The following FRK variants were observed in gnomAD, a reference collection of about 807,000 sequenced individuals.
FRK encodes the protein tyrosine-protein kinase FRK.
FRK carries 51 observed loss-of-function variants against 56.4 expected under a neutral mutation model. The observed-to-expected ratio is 0.90, with a 90% CI of 0.72 to 1.14. The LOEUF (loss-of-function observed/expected upper bound fraction) is 1.14, where lower values mean the gene tolerates loss of function less well. Ranked by LOEUF, FRK falls within the 50% of genes most tolerant of loss-of-function variation. The probability of loss-of-function intolerance (pLI) is 0.00; values close to 1 mark genes in which losing one functional copy is unlikely to be tolerated. For synonymous variants in FRK, 245 were observed against 217.9 expected (o/e 1.12, Z -1.10); for missense variants, 570 against 601.4 (o/e 0.95, Z 0.55).
chr6:115,974,417 G>A (rs1449512228), intron 2 of FRK, among the ~76,000 whole-genome samples: 1 of 152,098 alleles, frequency 6.6e-6, no homozygotes, highest in Non-Finnish European at 1.5e-5. Flanking sequence ...TATGATGCAG[G>A]TTTAAATTTT....
At chr6:115,989,904 C>T (rs558415455) in intron 2 of FRK, among the ~76,000 whole-genome samples, 2 of 151,898 alleles carry the variant, frequency 1.3e-5, no homozygotes, top group East Asian at 3.9e-4. Context: ...ATTCCCACTA[C>T]CAGTGCACAA....
intron 2 of FRK, among the ~76,000 whole-genome samples, chr6:115,976,793 T>C (rs2114625411): frequency 6.6e-6 from 1 of 152,250 alleles, no homozygotes; most frequent in Middle Eastern, 3.4e-3. Context: ...CAGGGATAGT[T>C]TGAGTGTCAT....
the FRK span, among the ~76,000 whole-genome samples, chr6:116,074,093 G>A: frequency 6.6e-6 from 1 of 152,266 alleles, no homozygotes; most frequent in African/African-American, 2.4e-5. Context: ...ATTTCACTTA[G>A]AAAAGATTAA....
chr6:116,034,673 A>C (rs1216971528), intron 1 of FRK, among the ~76,000 whole-genome samples: 1 of 152,174 alleles, frequency 6.6e-6, no homozygotes, highest in Non-Finnish European at 1.5e-5. Context: ...ATGTGGACTC[A>C]CAAGCAACCA....
the FRK span, among the ~76,000 whole-genome samples, chr6:116,081,890 G>C: frequency 2.5e-3 from 377 of 152,096 alleles, 2 homozygotes; most frequent in African/African-American, 8.7e-3. Context: ...TGTCCTCATG[G>C]AGATTTACAT....
chr6:116,017,193 T>C (rs566655171), intron 1 of FRK, among the ~76,000 whole-genome samples: 17 of 152,194 alleles, frequency 1.1e-4, no homozygotes, highest in Non-Finnish European at 2.5e-4. Context: ...CACACCCGTG[T>C]TACTGTTAAA....
chr6:116,051,523 T>C (rs759663183), intron 1 of FRK, among the ~76,000 whole-genome samples: 25 of 152,164 alleles, frequency 1.6e-4, no homozygotes, highest in Admixed American at 6.5e-5. Context: ...CCAGAGTATA[T>C]GATCTACATT....
chr6:116,045,196 T>G (rs1207732611), intron 1 of FRK, among the ~76,000 whole-genome samples: 3 of 152,228 alleles, frequency 2.0e-5, no homozygotes, highest in African/African-American at 7.2e-5. Context: ...CCCATCAAGC[T>G]ACCACTGACT....
chr6:116,039,243 C>A, intron 1 of FRK: 2 of 1,490,166 alleles, frequency 1.3e-6, no homozygotes, highest in Middle Eastern at 2.2e-4. Context: ...TCCTGGCCTG[C>A]GAGCCTGTGT....
chr6:116,006,357 T>C (rs113762474), intron 1 of FRK, among the ~76,000 whole-genome samples: 18 of 152,350 alleles, frequency 1.2e-4, no homozygotes, highest in African/African-American at 4.3e-4. Flanking sequence ...ACTTTCACAT[T>C]ACAATTTAAA....
At chr6:116,080,853 T>C in the FRK span, among the ~76,000 whole-genome samples, 1 of 152,184 alleles carries the variant, frequency 6.6e-6, no homozygotes, top group Non-Finnish European at 1.5e-5. Context: ...ATTGATAATA[T>C]CCATTTTGAT....
intron 2 of FRK, among the ~76,000 whole-genome samples, chr6:115,986,273 C>T (rs1035595317): frequency 6.6e-6 from 1 of 152,060 alleles, no homozygotes; most frequent in African/African-American, 2.4e-5. Context: ...TGCTCTCCGC[C>T]ATGAGAAACC....
intron 1 of FRK, among the ~76,000 whole-genome samples, chr6:116,005,862 T>G (rs1254744468): frequency 6.6e-6 from 1 of 152,124 alleles, no homozygotes; most frequent in African/African-American, 2.4e-5. Context: ...GGAAAAAAAC[T>G]GATGCTACCT....
intron 4 of FRK, among the ~76,000 whole-genome samples, chr6:115,960,141 A>C (rs2114576407): frequency 6.6e-6 from 1 of 151,822 alleles, no homozygotes; most frequent in East Asian, 1.9e-4. Context: ...TACCGGGTTC[A>C]TCTCACTAGG....
chr6:115,944,399 T>C lies in FRK; in HGVS notation c.985A>G (p.Thr329Ala). Reference protein sequence around the residue: ...QNDTGSKIHLTQQVDMAAQVA... With the variant: ...QNDTGSKIHLAQQVDMAAQVA... ...TGTGCCGCCATGTCTACCTGTTGAG[T>C]CAGATGGATTTTTGATCCAGTGTCA... is the stretch of plus-strand genomic sequence containing the variant. The change falls in exon 6 of 8, where the codon ACT becomes GCT. Residue 329 changes from threonine (T) to alanine (A), a missense_variant. By Grantham distance (58) the Thr-to-Ala change is moderately conservative (BLOSUM62 0). Transcript: ENST00000606080. 6.2e-7 allele frequency: 1 copy of C among 1,608,446 alleles called. No homozygotes were observed.
chr6:116,049,282 C>T (rs1777102865), intron 1 of FRK, among the ~76,000 whole-genome samples: 1 of 152,136 alleles, frequency 6.6e-6, no homozygotes, highest in Admixed American at 6.6e-5. Flanking sequence ...ACTTGCCATT[C>T]CCCGAATACA....
In FRK at chr6:115,938,461, G is replaced by T. The variant is rs1008861419; in HGVS notation, c.*3953C>A. The T allele has an allele frequency of 6.6e-6, 1 of 152,048 alleles. No individual in the cohort carries two copies. Among genetic ancestry groups the T allele is most frequent in the Admixed American group, 6.6e-5 (1 of 15,262 alleles). 9.4% of individuals were successfully genotyped at this position (152,048 alleles called of 1,614,324 possible). On this transcript the variant is annotated 3_prime_UTR_variant, in exon 8 of 8. Coordinates refer to ENST00000606080, the MANE Select transcript of FRK (RefSeq NM_002031.3). ...AAATTCAAAAGCTAGCAGAAGACAA[G>T]AAATAACTAAGATCAGAACAGAACT...
In FRK at chr6:116,060,095, C is replaced by A. The variant is rs1777567702; in HGVS notation, c.217G>T (p.Asp73Tyr). 2.5e-6 allele frequency: 4 copies of A among 1,614,158 alleles called. No individual in the cohort carries two copies. In the East Asian group the frequency reaches 8.9e-5, roughly 36 times the overall value. ...AACCACCAGCCCTCATGCAAAGTGT[C>A]CAGAACTTGAAGTTTGTCACCTGCT... ...FRAGDKLQVL[D>Y]TLHEGWWFAR... Residue 73 changes from aspartate to tyrosine, a missense_variant, in exon 1 of 8, where the codon GAC becomes TAC. By Grantham distance (160) the Asp-to-Tyr change is radical. Coordinates refer to ENST00000606080, the MANE Select transcript of FRK (RefSeq NM_002031.3).
At chr6:116,065,105 AT>A (rs1166080521), upstream of FRK, among the ~76,000 whole-genome samples, 1 of 152,042 alleles carries the variant, frequency 6.6e-6, no homozygotes, top group African/African-American at 2.4e-5. Context: ...TCTTCCTTGA[AT>A]TTTCTAGCTC....
Sources: gnomAD v4.1 joint callset for allele counts (sites outside exome capture counted in the v4.1 genomes callset) on GRCh38, gnomAD v4.1.1 for gene constraint, MANE v1.5 for transcripts, NCBI Gene and HGNC (gene_info 2026-07-23, HGNC 2026-07-21) for gene names.